The following OCA2 variants were observed in gnomAD, a reference collection of about 807,000 sequenced individuals.
OCA2 encodes the protein P protein.
OCA2 carries 77 observed loss-of-function variants against 100.2 expected under a neutral mutation model. The observed-to-expected ratio is 0.77, with a 90% CI of 0.64 to 0.93. OCA2 has a LOEUF of 0.93. Ranked by LOEUF, OCA2 falls within the 40% of genes least tolerant of loss-of-function variation. OCA2 has a pLI of 0.00. For synonymous variants in OCA2, 432 were observed against 439.2 expected, an observed-to-expected ratio of 0.98 and a Z score of 0.21; for missense variants, 1,062 against 1,089.1, an observed-to-expected ratio of 0.98 and a Z score of 0.35.
intron 23 of OCA2, among the ~76,000 whole-genome samples, chr15:27,840,717 T>C (rs1421440999): frequency 6.6e-6 from 1 of 151,872 alleles, no homozygotes; most frequent in East Asian, 1.9e-4. Context: ...TATGCAAAAA[T>C]AAAAGAAAAT....
At chr15:27,805,154 C>A (rs767394689) in intron 23 of OCA2, among the ~76,000 whole-genome samples, 1 of 152,200 alleles carries the variant, frequency 6.6e-6, no homozygotes, top group Non-Finnish European at 1.5e-5. Context: ...GCTGAGGTGG[C>A]GGCCCCACCG....
At chr15:27,791,203 C>T (rs2033064820) in intron 23 of OCA2, among the ~76,000 whole-genome samples, 1 of 152,022 alleles carries the variant, frequency 6.6e-6, no homozygotes, top group South Asian at 2.1e-4. Context: ...TGTATGTTCA[C>T]AAGAAAACAT....
At chr15:27,810,692 C>T (rs889552696) in intron 23 of OCA2, among the ~76,000 whole-genome samples, 1 of 152,004 alleles carries the variant, frequency 6.6e-6, no homozygotes, top group African/African-American at 2.4e-5. Flanking sequence ...ACAAATAATC[C>T]CATCAGAAAG....
At chr15:27,887,617 C>CTTT (rs34199755) in intron 19 of OCA2, among the ~76,000 whole-genome samples, 11 of 120,282 alleles carry the variant, frequency 9.1e-5, no homozygotes, top group African/African-American at 1.5e-4. Context: ...CACTAAACCT[C>CTTT]TTTTTTTTTT....
chr15:27,785,778 G>C (rs1717246440), intron 23 of OCA2, among the ~76,000 whole-genome samples: 1 of 152,140 alleles, frequency 6.6e-6, no homozygotes, highest in South Asian at 2.1e-4. Flanking sequence ...GACTTGAACA[G>C]ATCATTGTAC....
At chr15:28,092,282 G>A (rs2141962995) in intron 1 of OCA2, among the ~76,000 whole-genome samples, 1 of 152,250 alleles carries the variant, frequency 6.6e-6, no homozygotes, top group African/African-American at 2.4e-5. Context: ...GTTTCACTTG[G>A]GTTAATAAAA....
intron 2 of OCA2, among the ~76,000 whole-genome samples, chr15:28,050,567 GAA>G (rs772566545): frequency 1.8e-3 from 185 of 102,676 alleles, no homozygotes; most frequent in African/African-American, 4.8e-3. Context: ...TCTCAAAAAA[GAA>G]AAAAAAAAAA....
the OCA2 span, among the ~76,000 whole-genome samples, chr15:27,737,977 C>A: frequency 4.6e-5 from 7 of 152,198 alleles, no homozygotes; most frequent in Non-Finnish European, 1.0e-4. Context: ...TGCTGTTACA[C>A]ACCCGCCAGA....
intron 19 of OCA2, among the ~76,000 whole-genome samples, chr15:27,910,658 T>TAAA (rs112178150): frequency 6.8e-6 from 1 of 147,734 alleles, no homozygotes; most frequent in African/African-American, 2.5e-5. Flanking sequence ...TTATTTATGT[T>TAAA]AAAAAAAAAA....
chr15:27,842,355 C>T (rs1390989730), intron 23 of OCA2, among the ~76,000 whole-genome samples: 6 of 152,206 alleles, frequency 3.9e-5, no homozygotes, highest in Admixed American at 2.6e-4. Context: ...GTATTTTATT[C>T]GTTTACATAT....
At chr15:28,075,441 C>G (rs952130363) in intron 2 of OCA2, among the ~76,000 whole-genome samples, 6 of 152,184 alleles carry the variant, frequency 3.9e-5, no homozygotes, top group African/African-American at 9.7e-5. Flanking sequence ...GACAATGACG[C>G]AGAGGACTGG....
At chr15:27,839,151 T>C (rs914779947) in intron 23 of OCA2, among the ~76,000 whole-genome samples, 3 of 152,116 alleles carry the variant, frequency 2.0e-5, no homozygotes, top group South Asian at 2.1e-4. Flanking sequence ...TCATTAAAGA[T>C]AGACAAACAA....
At chr15:27,820,952 G>C (rs912787079) in intron 23 of OCA2, among the ~76,000 whole-genome samples, 1 of 152,080 alleles carries the variant, frequency 6.6e-6, no homozygotes, top group Non-Finnish European at 1.5e-5. Context: ...TTGCCAGGTC[G>C]GGCAGCACAA....
chr15:28,098,084 T>C (rs779670728), intron 1 of OCA2, among the ~76,000 whole-genome samples: 1 of 152,192 alleles, frequency 6.6e-6, no homozygotes, highest in Non-Finnish European at 1.5e-5. Flanking sequence ...GGGCTGGAGG[T>C]TGCGTTCTTC....
At chr15:28,022,963 T>C (rs1258922552) in intron 5 of OCA2, among the ~76,000 whole-genome samples, 1 of 152,176 alleles carries the variant, frequency 6.6e-6, no homozygotes, top group East Asian at 1.9e-4. Flanking sequence ...AAAAAGTAAA[T>C]TAAACTGATG....
chr15:28,053,500 AG>A (rs2043582401), intron 2 of OCA2, among the ~76,000 whole-genome samples: 1 of 152,144 alleles, frequency 6.6e-6, no homozygotes, highest in African/African-American at 2.4e-5. Context: ...GCATTTCTCA[AG>A]GCATCACCCA....
chr15:28,004,155 T>G (rs2042016699), intron 9 of OCA2, among the ~76,000 whole-genome samples: 1 of 152,198 alleles, frequency 6.6e-6, no homozygotes, highest in African/African-American at 2.4e-5. Context: ...CGTCTCCTGT[T>G]TTCAACATGG....
chr15:27,814,951 G>T (rs56126671), intron 23 of OCA2, among the ~76,000 whole-genome samples: 88,217 of 148,582 alleles, frequency 0.59, 26,517 homozygotes, highest in South Asian at 0.77. Flanking sequence ...TAGATACAGA[G>T]ATATATATAT....
intron 21 of OCA2, among the ~76,000 whole-genome samples, chr15:27,868,330 T>C (rs887343762): frequency 6.6e-6 from 1 of 152,152 alleles, no homozygotes; most frequent in African/African-American, 2.4e-5. Context: ...CTGATGGACA[T>C]GTGGATAAAG....
Sources: gnomAD v4.1 joint callset for allele counts (sites outside exome capture counted in the v4.1 genomes callset) on GRCh38, gnomAD v4.1.1 for gene constraint, MANE v1.5 for transcripts, NCBI Gene and HGNC (gene_info 2026-07-23, HGNC 2026-07-21) for gene names.